PCDHGB6: variants seen among roughly 807,000 people sequenced by gnomAD.
The protein encoded by PCDHGB6 is protocadherin gamma subfamily B, 6.
A neutral mutation model predicts 59.1 loss-of-function variants in PCDHGB6; 51 were observed. The ratio of observed to expected loss-of-function variants is 0.86; its 90% CI spans 0.69 to 1.09. The LOEUF (loss-of-function observed/expected upper bound fraction) is 1.09. PCDHGB6 is among the 50% of genes least tolerant of loss of function. The probability of loss-of-function intolerance (pLI) is 0.00; values close to 1 mark genes in which losing one functional copy is unlikely to be tolerated. For missense variants in PCDHGB6, 1,148 were observed against 1,205.1 expected (o/e 0.95, Z 0.70); for synonymous variants, 466 against 495.1 (o/e 0.94, Z 0.78).
chr5:141,415,896 AC>A, intron 1 of PCDHGB6: 1 of 882,726 alleles, frequency 1.1e-6, no homozygotes, highest in East Asian at 3.3e-5. Flanking sequence ...AATTCCTAAG[AC>A]AGACTTCCAT....
intron 1 of PCDHGB6, chr5:141,419,575 C>T (rs2096401495): frequency 6.2e-7 from 1 of 1,611,782 alleles, no homozygotes. Context: ...CCGACGGCTC[C>T]GCGCTCTTCG....
In PCDHGB6 at chr5:141,489,645, C is replaced by T; in HGVS notation, c.2419-5162C>T. 1.2e-6 allele frequency: 2 copies of T among 1,614,156 alleles called. No homozygotes were observed. The highest frequency in any genetic ancestry group is 2.7e-5 in the African/African-American group (2 of 75,022). On this transcript the variant is annotated intron_variant, in intron 1 of 3. Transcript: ENST00000520790. This position sits in a 1 kb window ranked among gnomAD's most constrained non-coding sequence, Gnocchi z 4.5. ...ATGACAACTCTCCTAGCTTTGCCAC[C>T]CCTGAGCGAGAGATGCGCATCTCAG...
chr5:141,444,594 T>C (rs2098442338), intron 1 of PCDHGB6, among the ~76,000 whole-genome samples: 1 of 152,244 alleles, frequency 6.6e-6, no homozygotes, highest in South Asian at 2.1e-4. Flanking sequence ...ACTTACCTTA[T>C]TTAAAATTGA....
At chr5:141,473,102 C>T (rs1465515592) in intron 1 of PCDHGB6, among the ~76,000 whole-genome samples, 1 of 152,054 alleles carries the variant, frequency 6.6e-6, no homozygotes, top group Non-Finnish European at 1.5e-5. Flanking sequence ...AGTTGTATTA[C>T]CACACTTTAC....
At position 141,454,796 on chromosome 5, in the gene PCDHGB6, ATTT is replaced by A. The variant is rs61612330; in HGVS notation, c.2419-39984_2419-39982del. On this transcript the variant is annotated intron_variant, in intron 1 of 3. Coordinates refer to ENST00000520790, the MANE Select transcript of PCDHGB6 (RefSeq NM_018926.3). ...AAGGAAATAATCCTCCATGGTTCTA[ATTT>A]TTTTTTTTTTTTTTTTTTTTTTTTT... is the stretch of plus-strand genomic sequence containing the variant. 8.4e-3 allele frequency among the ~76,000 whole-genome samples: 651 copies of A among 77,268 alleles called. 2 individuals are homozygous for A. Among genetic ancestry groups the A allele is most frequent in the African/African-American group, 0.012 (206 of 16,834 alleles). The allele number at this position is 77,268 out of a possible 152,430, so 50.7% of individuals were successfully genotyped here. A position where few individuals can be genotyped will look rare whatever the true frequency, so the allele number is the denominator to read the frequency against.
Position 141,409,461 on chromosome 5 carries a change from T to C in PCDHGB6, c.1259T>C (p.Val420Ala). 1 of 1,613,928 alleles carries C rather than the reference T, an allele frequency of 6.2e-7. No individual in the cohort carries two copies. The highest frequency in any genetic ancestry group is 8.5e-7 in the Non-Finnish European group (1 of 1,179,882). ...CGAGAGCAGACACCAGAATACAATG[T>C]CACCATCGTAGCCACTGACAGGGGC... ...LDREQTPEYN[V>A]TIVATDRGKP... Residue 420 changes from valine (V) to alanine (A), a missense_variant, in exon 1 of 4, where the codon GTC (valine) becomes GCC (alanine). Physicochemically the swap from Val to Ala is moderately conservative, Grantham distance 64. Coordinates refer to ENST00000520790, the MANE Select transcript of PCDHGB6 (RefSeq NM_018926.3).
chr5:141,418,284 T>A (rs766608852), intron 1 of PCDHGB6: 19 of 1,613,826 alleles, frequency 1.2e-5, no homozygotes, highest in Non-Finnish European at 1.4e-5. Flanking sequence ...AACTTAGAAA[T>A]CAGTGAATCC....
At chr5:141,419,405 G>T (rs1219399978) in intron 1 of PCDHGB6, 1 of 1,613,512 alleles carries the variant, frequency 6.2e-7, no homozygotes, top group South Asian at 1.1e-5. Context: ...GGTGGTGTTC[G>T]CGCAGCGCGC....
At chr5:141,506,898 T>C (rs2099857040) in intron 3 of PCDHGB6, among the ~76,000 whole-genome samples, 1 of 152,260 alleles carries the variant, frequency 6.6e-6, no homozygotes, top group East Asian at 1.9e-4. Context: ...AGAAGCACTG[T>C]CATCACACCT....
intron 3 of PCDHGB6, among the ~76,000 whole-genome samples, chr5:141,508,579 G>A (rs569867127): frequency 6.6e-6 from 1 of 152,234 alleles, no homozygotes; most frequent in East Asian, 1.9e-4. Flanking sequence ...ACCCACTCGG[G>A]GTGCTACTCA....
intron 1 of PCDHGB6, among the ~76,000 whole-genome samples, chr5:141,463,438 C>CTTTTTTTTTTTTT (rs71576115): frequency 9.7e-6 from 1 of 103,256 alleles, no homozygotes; most frequent in Non-Finnish European, 1.9e-5. Context: ...TTTCCTTCTC[C>CTTTTTTTTTTTTT]TTTTTTTTTT....
chr5:141,502,457 A>G lies in PCDHGB6; in HGVS notation c.2478-2936A>G, dbSNP rs950959171. 6.6e-5 allele frequency among the ~76,000 whole-genome samples: 10 copies of G among 151,926 alleles called. No individual in the cohort carries two copies. The South Asian group carries it at 1.7e-3, about 25-fold the overall frequency. On this transcript the variant is annotated intron_variant, in intron 2 of 3. Coordinates refer to ENST00000520790, the MANE Select transcript of PCDHGB6 (RefSeq NM_018926.3). The stretch of plus-strand genomic sequence containing the variant: ...TTAGATTCAGATTACACACCTTGGT[A>G]GGAATACTTCCCGCAGCATCACACT...
intron 1 of PCDHGB6, among the ~76,000 whole-genome samples, chr5:141,445,885 G>A (rs1171777990): frequency 1.3e-5 from 2 of 152,148 alleles, no homozygotes; most frequent in African/African-American, 4.8e-5. Flanking sequence ...CTTGTACTTA[G>A]GAGCTATTAA....
chr5:141,434,027 G>A (rs887125944), intron 1 of PCDHGB6, among the ~76,000 whole-genome samples: 3 of 152,130 alleles, frequency 2.0e-5, no homozygotes, highest in Non-Finnish European at 2.9e-5. Flanking sequence ...GATTCTGGAA[G>A]CATGGTTTTC....
chr5:141,448,803 G>A (rs2098607666), intron 1 of PCDHGB6, among the ~76,000 whole-genome samples: 2 of 152,020 alleles, frequency 1.3e-5, no homozygotes, highest in South Asian at 4.1e-4. Flanking sequence ...AAATTAGCCA[G>A]GCGTGATGGC....
At chr5:141,420,625 T>C (rs1440415745) in intron 1 of PCDHGB6, among the ~76,000 whole-genome samples, 1 of 152,242 alleles carries the variant, frequency 6.6e-6, no homozygotes, top group Non-Finnish European at 1.5e-5. Flanking sequence ...CTTCATTTAC[T>C]CAATAAAGGA....
rs994324285 is a variant in PCDHGB6 at position 141,455,094 on chromosome 5, G to A, written c.2419-39713G>A. Among the ~76,000 whole-genome samples the A allele has an allele frequency of 3.3e-5, 5 of 152,104 alleles. No individual in the cohort carries two copies. In the Middle Eastern group the frequency reaches 0.014, roughly 414 times the overall value. ...CCCAAAGTGCTGGGATTACAGGCTT[G>A]AGCCACTGCGCCCGGTGGGTCTAAT... On this transcript the variant is annotated intron_variant, in intron 1 of 3. Coordinates refer to ENST00000520790, the MANE Select transcript of PCDHGB6 (RefSeq NM_018926.3).
chr5:141,443,288 C>T (rs2098378643), intron 1 of PCDHGB6, among the ~76,000 whole-genome samples: 1 of 150,180 alleles, frequency 6.7e-6, no homozygotes, highest in Non-Finnish European at 1.5e-5. Context: ...TGAGACCAGC[C>T]TGGACAGCAT....
Position 141,432,331 on chromosome 5 carries a change from G to A in PCDHGB6, c.2418+21711G>A, listed in dbSNP as rs763952193. Reference sequence around the variant, plus strand: ...CGCTGAGCTCCTTCGACTACGAGCAGTTCCGAGACTTGCAAGTGAAAGTGA... The same window carrying A: ...CGCTGAGCTCCTTCGACTACGAGCAATTCCGAGACTTGCAAGTGAAAGTGA... On this transcript the variant is annotated intron_variant, in intron 1 of 3. Transcript: ENST00000520790. The surrounding 1 kb of genome is among the most constrained non-coding windows in gnomAD (Gnocchi z 6.0). The A allele has an allele frequency of 1.2e-6, 2 of 1,614,278 alleles. No individual in the cohort carries two copies. Among genetic ancestry groups the A allele is most frequent in the East Asian group, 2.2e-5 (1 of 44,888 alleles).
Sources: allele counts gnomAD v4.1 joint callset (sites outside exome capture counted in the v4.1 genomes callset), GRCh38; gene constraint gnomAD v4.1.1; non-coding constraint Gnocchi (gnomAD v3.1); transcripts MANE v1.5; gene names NCBI Gene and HGNC (gene_info 2026-07-23, HGNC 2026-07-21).